C8orf34: variants seen among roughly 807,000 people sequenced by gnomAD.
The protein encoded by C8orf34 is chromosome 8 open reading frame 34.
Under a neutral mutation model 68.3 loss-of-function variants are expected in C8orf34, and 65 were observed. The ratio of observed to expected loss-of-function variants is 0.95; its 90% CI spans 0.78 to 1.17. The LOEUF is 1.17. Ranked by LOEUF, C8orf34 falls within the 50% of genes most tolerant of loss-of-function variation. The pLI, the probability that C8orf34 is intolerant of heterozygous loss-of-function variation, is 0.00. For synonymous variants in C8orf34, 244 were observed against 241.2 expected (o/e 1.01, Z -0.11); for missense variants, 664 against 655.4 (o/e 1.01, Z -0.14).
chr8:68,649,189 A>G (rs1047787542), intron 8 of C8orf34, among the ~76,000 whole-genome samples: 6 of 152,216 alleles, frequency 3.9e-5, no homozygotes. Context: ...TAGAGGTGTA[A>G]AAGATTCCAT....
intron 1 of C8orf34, among the ~76,000 whole-genome samples, chr8:68,433,654 C>T (rs1185927846): frequency 1.3e-5 from 2 of 152,200 alleles, no homozygotes; most frequent in African/African-American, 4.8e-5. Context: ...CTTAGAGGCT[C>T]AGTACACGAA....
intron 7 of C8orf34, among the ~76,000 whole-genome samples, chr8:68,607,922 A>T (rs1817903268): frequency 6.6e-6 from 1 of 152,146 alleles, no homozygotes; most frequent in Non-Finnish European, 1.5e-5. Flanking sequence ...TCTAATGAAG[A>T]TGAATTATAG....
intron 7 of C8orf34, among the ~76,000 whole-genome samples, chr8:68,604,715 G>A (rs925417887): frequency 1.3e-5 from 2 of 151,988 alleles, no homozygotes; most frequent in Non-Finnish European, 2.9e-5. Context: ...AATTCAAAAT[G>A]GGTCAGAGAC....
In C8orf34 at chr8:68,787,445, T is replaced by G. The variant is rs781647063; in HGVS notation, c.1458T>G (p.Asp486Glu). Residue 486 changes from aspartate to glutamate, a missense_variant and splice_region_variant, in exon 12 of 14, where the codon GAT becomes GAG. Coordinates refer to ENST00000518698, the MANE Select transcript of C8orf34 (RefSeq NM_052958.4). ...GHSLKNYMEE[D>E]ESLKQLQVVH... ...AAAATAAATGTGTTCTTTTGCAGGA[T>G]GAATCCTTAAAGCAATTGCAGGTAG... The G allele has an allele frequency of 3.7e-6, 6 of 1,608,754 alleles. No individual in the cohort carries two copies. In the East Asian group the frequency reaches 1.3e-4, roughly 36 times the overall value.
chr8:68,455,424 G>C (rs1242664305), intron 3 of C8orf34, among the ~76,000 whole-genome samples: 1 of 151,980 alleles, frequency 6.6e-6, no homozygotes, highest in East Asian at 1.9e-4. Context: ...CTGCAGCTAG[G>C]TGTTTATATG....
chr8:68,520,068 A>G (rs1007406850), intron 5 of C8orf34, among the ~76,000 whole-genome samples: 1 of 152,128 alleles, frequency 6.6e-6, no homozygotes, highest in Admixed American at 6.6e-5. Flanking sequence ...CATTCATTTG[A>G]TTGCATTATT....
chr8:68,346,655 T>A (rs1372746857), intron 1 of C8orf34, among the ~76,000 whole-genome samples: 1 of 152,100 alleles, frequency 6.6e-6, no homozygotes, highest in Non-Finnish European at 1.5e-5. Flanking sequence ...TATCTCCATA[T>A]TTTTGCCTTT....
chr8:68,412,137 A>G (rs1198057707), intron 1 of C8orf34, among the ~76,000 whole-genome samples: 1 of 152,170 alleles, frequency 6.6e-6, no homozygotes, highest in Non-Finnish European at 1.5e-5. Context: ...ACTGTGAACA[A>G]TAAATTCTGT....
chr8:68,498,553 C>T (rs548660886), intron 5 of C8orf34, among the ~76,000 whole-genome samples: 7 of 152,014 alleles, frequency 4.6e-5, no homozygotes, highest in Non-Finnish European at 8.8e-5. Flanking sequence ...TTTTAGTAAT[C>T]GTGTTGTTAA....
rs1019850780 is a variant in C8orf34, at chr8:68,510,752, A to T, written c.766-11047A>T. Among the ~76,000 whole-genome samples the T allele has an allele frequency of 2.0e-5, 3 of 152,126 alleles. No individual in the cohort carries two copies. In the East Asian group the frequency reaches 5.8e-4, roughly 29 times the overall value. On this transcript the variant is annotated intron_variant, in intron 5 of 13. Transcript: ENST00000518698. ...AATTATTTCTACATTGGCCTTTTGG[A>T]TTGGCTTTGAGGGAACTCTGTTCCC...
At chr8:68,407,860 T>G (rs1809265775) in intron 1 of C8orf34, among the ~76,000 whole-genome samples, 1 of 152,224 alleles carries the variant, frequency 6.6e-6, no homozygotes, top group Non-Finnish European at 1.5e-5. Flanking sequence ...CAATATATTT[T>G]AAACCTCATG....
intron 10 of C8orf34, among the ~76,000 whole-genome samples, chr8:68,737,465 GCA>G (rs1415008526): frequency 1.3e-5 from 2 of 151,794 alleles, no homozygotes; most frequent in African/African-American, 4.8e-5. Flanking sequence ...CAATTAAAAG[GCA>G]CAGAATGGTC....
At chr8:68,699,375 G>T (rs1044921781) in intron 8 of C8orf34, among the ~76,000 whole-genome samples, 2 of 152,108 alleles carry the variant, frequency 1.3e-5, no homozygotes, top group African/African-American at 2.4e-5. Flanking sequence ...GCCCAGGGCT[G>T]CCTCTAGCTC....
At chr8:68,736,211 T>C (rs1822118344) in intron 10 of C8orf34, among the ~76,000 whole-genome samples, 1 of 152,216 alleles carries the variant, frequency 6.6e-6, no homozygotes, top group Non-Finnish European at 1.5e-5. Context: ...TGTGTTTTCA[T>C]ACTGTCAGTA....
At chr8:68,594,829 T>C (rs764851676) in intron 7 of C8orf34, among the ~76,000 whole-genome samples, 37 of 152,152 alleles carry the variant, frequency 2.4e-4, no homozygotes, top group Non-Finnish European at 4.6e-4. Context: ...TGCTATTCTG[T>C]TTTAAATGTT....
chr8:68,468,612 A>G (rs1812246807), intron 3 of C8orf34, 80 bp from the exon 4 acceptor site: 1 of 1,388,104 alleles, frequency 7.2e-7, no homozygotes, highest in African/African-American at 1.5e-5. Flanking sequence ...ATCTTGGTAC[A>G]GTCTTTCACG....
At chr8:68,515,430 G>A (rs1222709115) in intron 5 of C8orf34, among the ~76,000 whole-genome samples, 1 of 151,006 alleles carries the variant, frequency 6.6e-6, no homozygotes, top group Non-Finnish European at 1.5e-5. Context: ...ACTTAAGTGT[G>A]GGTAGATACA....
chr8:68,414,806 T>C (rs1030682011), intron 1 of C8orf34, among the ~76,000 whole-genome samples: 1 of 152,140 alleles, frequency 6.6e-6, no homozygotes, highest in African/African-American at 2.4e-5. Context: ...ATGATCTCTT[T>C]TGTGAAGCTC....
intron 7 of C8orf34, among the ~76,000 whole-genome samples, chr8:68,575,956 G>GTTTTTTT (rs59081528): frequency 8.3e-5 from 8 of 96,334 alleles, no homozygotes; most frequent in South Asian, 4.2e-4. Context: ...GTAGATGGTT[G>GTTTTTTT]TTTTTTTTTT....
Sources: gnomAD v4.1 joint callset for allele counts (sites outside exome capture counted in the v4.1 genomes callset) on GRCh38, gnomAD v4.1.1 for gene constraint, MANE v1.5 for transcripts, NCBI Gene and HGNC (gene_info 2026-07-23, HGNC 2026-07-21) for gene names.